Variants in CPS1 observed in about 807,000 individuals in gnomAD.
CPS1 encodes the protein carbamoyl-phosphate synthase 1.
In CPS1, 109 loss-of-function variants were observed where a neutral mutation model predicts 174.6. The ratio of observed to expected loss-of-function variants is 0.62; its 90% confidence interval spans 0.53 to 0.73. The LOEUF (loss-of-function observed/expected upper bound fraction) is 0.73. Ranked by LOEUF, CPS1 falls within the 30% of genes least tolerant of loss-of-function variation. CPS1 has a pLI of 0.00. For synonymous variants in CPS1, 637 were observed against 632.0 expected (o/e 1.01, Z -0.12); for missense variants, 1,689 against 1,821.9 (o/e 0.93, Z 1.33).
intron 1 of CPS1, among the ~76,000 whole-genome samples, chr2:210,497,226 A>G (rs1695011761): frequency 6.6e-6 from 1 of 152,184 alleles, no homozygotes; most frequent in South Asian, 2.1e-4. Context: ...TAAGCAAGGC[A>G]TGTCATAAAG....
intron 6 of CPS1, among the ~76,000 whole-genome samples, chr2:210,583,848 C>T (rs550124949): frequency 3.9e-5 from 6 of 152,038 alleles, no homozygotes; most frequent in Non-Finnish European, 8.8e-5. Flanking sequence ...GAGCAAGCAA[C>T]TAGAAGGTTA....
At chr2:210,655,398 A>G (rs1700671543) in intron 29 of CPS1, among the ~76,000 whole-genome samples, 1 of 152,160 alleles carries the variant, frequency 6.6e-6, no homozygotes, top group Non-Finnish European at 1.5e-5. Context: ...ACTATTGCAC[A>G]TCGTCCTGTA....
chr2:210,590,330 C>T (rs1698252250), intron 8 of CPS1, 96 bp downstream of exon 8: 1 of 1,564,878 alleles, frequency 6.4e-7, no homozygotes, highest in African/African-American at 1.4e-5. Context: ...TTTATTCAGG[C>T]ATTTTTCAAT....
intron 9 of CPS1, 27 bp from the exon 10 acceptor site, chr2:210,591,804 C>T: frequency 6.2e-7 from 1 of 1,609,510 alleles, no homozygotes; most frequent in Non-Finnish European, 8.5e-7. Context: ...TTCCTTTTCC[C>T]TATTCTTTTT....
intron 28 of CPS1, among the ~76,000 whole-genome samples, chr2:210,652,870 T>A (rs1055598302): frequency 1.3e-5 from 2 of 151,980 alleles, no homozygotes; most frequent in African/African-American, 4.8e-5. Context: ...AAGGAACAGC[T>A]AAGACAGACA....
chr2:210,493,358 T>A (rs1400907512), intron 1 of CPS1, among the ~76,000 whole-genome samples: 1 of 152,188 alleles, frequency 6.6e-6, no homozygotes, highest in Non-Finnish European at 1.5e-5. Flanking sequence ...AGTCTGGGTG[T>A]CCCAAAGCAA....
chr2:210,512,763 TA>T, intron 1 of CPS1, among the ~76,000 whole-genome samples: 1 of 111,138 alleles, frequency 9.0e-6, no homozygotes, highest in Non-Finnish European at 1.7e-5. Context: ...TATATATATA[TA>T]TATATATATA....
chr2:210,506,133 A>G (rs943957095), intron 1 of CPS1, among the ~76,000 whole-genome samples: 2 of 152,160 alleles, frequency 1.3e-5, no homozygotes, highest in Non-Finnish European at 2.9e-5. Context: ...GAGGCACTCC[A>G]CAGTAGGGGC....
At chr2:210,508,949 G>A (rs1574478157) in intron 1 of CPS1, among the ~76,000 whole-genome samples, 1 of 152,208 alleles carries the variant, frequency 6.6e-6, no homozygotes, top group South Asian at 2.1e-4. Flanking sequence ...TCTACCAGAG[G>A]TACAAGGAGG....
In CPS1 at chr2:210,666,200, G is replaced by A. The variant is rs1322113666; in HGVS notation, c.4003-1986G>A. ...TTGTTTTTTTCTTGTAAATTTGTTT[G>A]AGTTCATTGTAGATTCTGGATATTA... On this transcript the variant is annotated intron_variant, in intron 33 of 37. Coordinates refer to ENST00000233072, the MANE Select transcript of CPS1 (RefSeq NM_001875.5). Among the ~76,000 whole-genome samples the A allele has an allele frequency of 7.9e-4, 119 of 150,644 alleles. 2 individuals are homozygous for A. Among genetic ancestry groups the A allele is most frequent in the Admixed American group, 4.0e-4 (6 of 15,108 alleles).
chr2:210,608,321 T>G (rs1698991855), intron 18 of CPS1, 40 bp from the exon 19 acceptor site: 1 of 1,593,286 alleles, frequency 6.3e-7, no homozygotes. Context: ...TTTCAATAAT[T>G]GCTCGAAGAA....
intron 16 of CPS1, among the ~76,000 whole-genome samples, 154 bp downstream of exon 16, chr2:210,602,484 T>C (rs745781738): frequency 1.1e-4 from 16 of 152,014 alleles, no homozygotes; most frequent in Non-Finnish European, 1.9e-4. Flanking sequence ...ATGACACTTT[T>C]GCGAGAGCAT....
Position 210,594,361 on chromosome 2 carries a change from T to C in CPS1, c.1165-147T>C, listed in dbSNP as rs553680643. 4.6e-5 allele frequency: 29 copies of C among 635,840 alleles called. No homozygotes were observed. The South Asian group carries it at 5.1e-4, about 11-fold the overall frequency. 39.4% of individuals were successfully genotyped at this position (635,840 alleles called of 1,614,324 possible). A position where few individuals can be genotyped will look rare whatever the true frequency, so the allele number is the denominator to read the frequency against. ...CTCACACTAACAGATATTTAGTTAT[T>C]GACAAAAAAGCAAAAAAAGCTGAAA... On this transcript the variant is annotated intron_variant, in intron 11 of 37. Transcript: ENST00000233072.
chr2:210,600,759 G>C (rs748042252), intron 15 of CPS1, 47 bp downstream of exon 15: 1 of 1,586,764 alleles, frequency 6.3e-7, no homozygotes, highest in East Asian at 2.2e-5. Context: ...TTTGTCTTGT[G>C]TTGTAGGGAG....
At chr2:210,514,168 T>G (rs538253212) in intron 1 of CPS1, among the ~76,000 whole-genome samples, 3 of 152,182 alleles carry the variant, frequency 2.0e-5, no homozygotes, top group African/African-American at 7.2e-5. Context: ...CTTCTCAAGC[T>G]CTTTTTTGGT....
intron 37 of CPS1, among the ~76,000 whole-genome samples, chr2:210,677,393 A>G (rs1373692290): frequency 6.6e-6 from 1 of 152,264 alleles, no homozygotes; most frequent in Non-Finnish European, 1.5e-5. Context: ...CCTTTGAATA[A>G]AAAGTGACAG....
At chr2:210,663,510 C>A (rs892381212) in intron 33 of CPS1, among the ~76,000 whole-genome samples, 1 of 152,078 alleles carries the variant, frequency 6.6e-6, no homozygotes, top group Non-Finnish European at 1.5e-5. Context: ...TAAAGGTTCT[C>A]GGGTCTCTCT....
chr2:210,597,323 A>C (rs1574569966), intron 13 of CPS1, among the ~76,000 whole-genome samples: 1 of 151,854 alleles, frequency 6.6e-6, no homozygotes, highest in African/African-American at 2.4e-5. Context: ...TTGAGGAAAG[A>C]GCATAGGATT....
At position 210,506,793 on chromosome 2, in the gene CPS1, C is replaced by T. The variant is rs567492917; in HGVS notation, c.3+29027C>T. Among the ~76,000 whole-genome samples, 386 of 151,988 alleles carry T rather than the reference C, an allele frequency of 2.5e-3. 4 individuals are homozygous for T. In the Middle Eastern group the frequency reaches 0.031, roughly 12 times the overall value. On this transcript the variant is annotated intron_variant, in intron 1 of 38. Coordinates refer to the CPS1 transcript ENST00000430249. The stretch of plus-strand genomic sequence containing the variant: ...AGGGTATCAGTGATGGAAGATCAAA[C>T]GAATGAAATGAAGTGAGAAGAGAAG...
Sources: gnomAD v4.1 joint callset for allele counts (sites outside exome capture counted in the v4.1 genomes callset) on GRCh38, gnomAD v4.1.1 for gene constraint, MANE v1.5 for transcripts, NCBI Gene and HGNC (gene_info 2026-07-23, HGNC 2026-07-21) for gene names.